DPP8: variants seen among roughly 807,000 people sequenced by gnomAD.
DPP8 encodes the protein DPP VIII.
DPP8 carries 31 observed loss-of-function variants against 107.5 expected under a neutral mutation model. The observed-to-expected ratio is 0.29, with a 90% CI of 0.22 to 0.39. The LOEUF (loss-of-function observed/expected upper bound fraction) is 0.39. Among genes scored for constraint, DPP8 ranks in the 10% least tolerant of loss-of-function variants. DPP8 has a pLI of 1.00. For synonymous variants in DPP8, 381 were observed against 356.6 expected (o/e 1.07, Z -0.77); for missense variants, 842 against 1,076.1 (o/e 0.78, Z 3.04).
At chr15:65,486,691 G>C (rs1395092374) in intron 7 of DPP8, among the ~76,000 whole-genome samples, 3 of 152,212 alleles carry the variant, frequency 2.0e-5, no homozygotes. Context: ...CAGCAACCTA[G>C]ATGGAGCTGG....
chr15:65,469,425 C>T (rs1015114517), intron 12 of DPP8, among the ~76,000 whole-genome samples: 3 of 151,152 alleles, frequency 2.0e-5, no homozygotes, highest in African/African-American at 4.9e-5. Context: ...GAGGTGGAGG[C>T]GGCAGGTCAC....
chr15:65,445,730 AC>A lies in DPP8; in HGVS notation c.*1153del, dbSNP rs2063475543. The A allele has an allele frequency of 1.3e-5, 2 of 152,726 alleles. No homozygotes were observed. The highest frequency in any genetic ancestry group is 4.8e-5 in the African/African-American group (2 of 41,364). The allele number at this position is 152,726 out of a possible 1,614,324, so 9.5% of individuals were successfully genotyped here. A position where few individuals can be genotyped will look rare whatever the true frequency, so the allele number is the denominator to read the frequency against. The stretch of plus-strand genomic sequence containing the variant: ...AAAAAAAAAAAGAATTATAAAAGTA[AC>A]TCTAAGGAACTTTTCCTCCCCTGAA... On this transcript the variant is annotated 3_prime_UTR_variant, in exon 20 of 20. Transcript: ENST00000300141.
chr15:65,487,792 T>C lies in DPP8; in HGVS notation c.853A>G (p.Ile285Val). ...TTPSGGKILR[I>V]LYEENDESEV... ...GATTCATCATTTTCTTCATATAGAA[T>C]TCTAAGAATTTTACCACCACTGGGA... is the stretch of plus-strand genomic sequence containing the variant. The change falls in exon 7 of 20, where the codon ATT (isoleucine) becomes GTT (valine). Residue 285 changes from isoleucine (I) to valine (V), a missense_variant. Around this residue, in one of 2 missense-constraint regions of DPP8, gnomAD observed 663 missense variants for 758.0 expected, o/e 0.87. Coordinates refer to ENST00000300141, the MANE Select transcript of DPP8 (RefSeq NM_130434.5). 6 of 1,574,896 alleles carry C rather than the reference T, an allele frequency of 3.8e-6. No individual in the cohort carries two copies. The highest frequency in any genetic ancestry group is 5.2e-6 in the Non-Finnish European group (6 of 1,148,936).
chr15:65,454,175 C>A, intron 17 of DPP8, 88 bp downstream of exon 17: 1 of 1,053,596 alleles, frequency 9.5e-7, no homozygotes, highest in Non-Finnish European at 1.3e-6. Context: ...CTCTGTAAAC[C>A]TTCAGAAAAT....
chr15:65,508,174 A>C (rs935948959), intron 2 of DPP8, among the ~76,000 whole-genome samples: 1 of 151,804 alleles, frequency 6.6e-6, no homozygotes, highest in African/African-American at 2.4e-5. Context: ...CAGGAGACGG[A>C]GATTGCAGTG....
chr15:65,475,338 G>T, intron 11 of DPP8: 2 of 1,208,902 alleles, frequency 1.7e-6, no homozygotes, highest in Non-Finnish European at 2.4e-6. Context: ...CCCCGAGCCA[G>T]CTTTATCTTC....
chr15:65,467,095 G>A lies in DPP8; in HGVS notation c.1665C>T (p.Tyr555=), dbSNP rs771493218. ...GEVTRLTDRG[Y]SHSCCISQHC... is the part of the protein sequence containing the mutation. ...CCTGACTGATGCAGCAAGAATGTGA[G>A]TAGCCACGGTCAGTCAGCCTTGTCA... The change falls in exon 13 of 20, where the codon TAC becomes TAT. Residue 555 remains tyrosine, a synonymous_variant. Transcript: ENST00000300141. 6.8e-6 allele frequency: 11 copies of A among 1,614,042 alleles called. No individual in the cohort carries two copies. The South Asian group carries it at 7.7e-5, about 11-fold the overall frequency.
rs540088705 is a variant in DPP8, at chr15:65,484,110, T to C, written c.1017+989A>G. Among the ~76,000 whole-genome samples the C allele has an allele frequency of 2.3e-3, 348 of 152,138 alleles. 3 individuals are homozygous for C. The highest frequency in any genetic ancestry group is 8.0e-3 in the African/African-American group (332 of 41,506). On this transcript the variant is annotated intron_variant, in intron 8 of 19. Coordinates refer to ENST00000300141, the MANE Select transcript of DPP8 (RefSeq NM_130434.5). The stretch of plus-strand genomic sequence containing the variant: ...TTGGAAGGCCGAGGTGGGCAGATCA[T>C]GAGGTCAGGAGCTTGAGACCAGTCT...
chr15:65,487,530 C>G (rs996701537), intron 7 of DPP8, among the ~76,000 whole-genome samples, 160 bp downstream of exon 7: 1 of 152,168 alleles, frequency 6.6e-6, no homozygotes, highest in African/African-American at 2.4e-5. Context: ...AAAGATCACC[C>G]TTTAATTCAA....
chr15:65,482,330 G>A (rs1031390711), intron 8 of DPP8, among the ~76,000 whole-genome samples: 6 of 152,134 alleles, frequency 3.9e-5, no homozygotes, highest in Non-Finnish European at 8.8e-5. Context: ...CACCCAGGCT[G>A]TAGTGCAGTG....
chr15:65,490,363 T>C (rs534125800), intron 5 of DPP8, 64 bp from the exon 6 acceptor site: 76 of 1,002,548 alleles, frequency 7.6e-5, no homozygotes, highest in African/African-American at 6.6e-4. Flanking sequence ...CAAAGCAAAA[T>C]GATTCAGTTT....
At chr15:65,484,944 T>A (rs1369386324) in intron 8 of DPP8, among the ~76,000 whole-genome samples, 155 bp downstream of exon 8, 1 of 152,176 alleles carries the variant, frequency 6.6e-6, no homozygotes, top group East Asian at 1.9e-4. Context: ...CAGGATGATT[T>A]GCAAGTAAAA....
In DPP8 at chr15:65,456,963, C is replaced by T. The variant is rs533822493; in HGVS notation, c.1972-592G>A. 3.3e-5 allele frequency among the ~76,000 whole-genome samples: 5 copies of T among 152,334 alleles called. No homozygotes were observed. The South Asian group carries it at 1.0e-3, about 32-fold the overall frequency. The stretch of plus-strand genomic sequence containing the variant: ...TGTCTGGAATGCTTTTCTCTCACAT[C>T]TTTTGCATGGCTCATTCCTTCTCAA... On this transcript the variant is annotated intron_variant, in intron 15 of 19. Transcript: ENST00000300141.
At chr15:65,460,430 G>A (rs1025707545) in intron 15 of DPP8, among the ~76,000 whole-genome samples, 1 of 151,690 alleles carries the variant, frequency 6.6e-6, no homozygotes, top group Non-Finnish European at 1.5e-5. Context: ...AAGACAGAGC[G>A]AGACTGTCTC....
intron 4 of DPP8, among the ~76,000 whole-genome samples, chr15:65,499,070 A>AT (rs372003700): frequency 7.7e-6 from 1 of 129,690 alleles, no homozygotes. Context: ...CCAAAAAAAA[A>AT]GTGTGTGTGT....
chr15:65,498,588 T>G (rs950202927), intron 4 of DPP8, among the ~76,000 whole-genome samples: 3 of 152,130 alleles, frequency 2.0e-5, no homozygotes, highest in African/African-American at 7.2e-5. Context: ...CTTCATAAAT[T>G]TTGTTGCCCA....
chr15:65,510,373 A>C (rs2070610113), intron 2 of DPP8, among the ~76,000 whole-genome samples: 1 of 152,076 alleles, frequency 6.6e-6, no homozygotes, highest in African/African-American at 2.4e-5. Flanking sequence ...AATCCCACAA[A>C]GGATTAATTC....
At chr15:65,475,752 GTTTTGT>G in intron 11 of DPP8, 1 of 467,714 alleles carries the variant, frequency 2.1e-6, no homozygotes. Flanking sequence ...TGCCCCATTT[GTTTTGT>G]TTTTGTTTTT....
At chr15:65,493,951 A>G (rs2068299135) in intron 5 of DPP8, among the ~76,000 whole-genome samples, 1 of 149,340 alleles carries the variant, frequency 6.7e-6, no homozygotes, top group Admixed American at 6.6e-5. Flanking sequence ...TACTTACACA[A>G]CAGTTACTAT....
Sources: gnomAD v4.1 joint callset for allele counts (sites outside exome capture counted in the v4.1 genomes callset) on GRCh38, gnomAD v4.1.1 for gene constraint, gnomAD v4.1.1 regional missense constraint, MANE v1.5 for transcripts, NCBI Gene and HGNC (gene_info 2026-07-23, HGNC 2026-07-21) for gene names.